The following STAB2 variants were observed in gnomAD, a reference collection of about 807,000 sequenced individuals.
The protein encoded by STAB2 is stabilin-2.
Under a neutral mutation model 338.1 loss-of-function variants are expected in STAB2, and 288 were observed. That is an observed-to-expected ratio of 0.85 (90% CI 0.77 to 0.94). The LOEUF is 0.94. Ranked by LOEUF, STAB2 falls within the 40% of genes least tolerant of loss-of-function variation. STAB2 has a pLI of 0.00. For missense variants in STAB2, 3,141 were observed against 3,210.1 expected (o/e 0.98, Z 0.52); for synonymous variants, 1,202 against 1,193.3 (o/e 1.01, Z -0.15).
At chr12:103,606,418 C>T (rs1957028078) in intron 3 of STAB2, among the ~76,000 whole-genome samples, 1 of 152,132 alleles carries the variant, frequency 6.6e-6, no homozygotes, top group Non-Finnish European at 1.5e-5. Context: ...TTACATTTAA[C>T]CACATAATGA....
chr12:103,744,243 A>G (rs1299201563), intron 56 of STAB2, among the ~76,000 whole-genome samples: 1 of 152,090 alleles, frequency 6.6e-6, no homozygotes, highest in Non-Finnish European at 1.5e-5. Context: ...TCCTGGGCTC[A>G]AGCAATCCTC....
At position 103,745,246 on chromosome 12, in the gene STAB2, G is replaced by A; in HGVS notation, c.6105G>A (p.Gly2035=). 1.2e-6 allele frequency: 2 copies of A among 1,613,914 alleles called. No individual in the cohort carries two copies. The highest frequency in any genetic ancestry group is 1.7e-6 in the Non-Finnish European group (2 of 1,179,968). Residue 2035 remains glycine, a synonymous_variant, in exon 57 of 69, where the codon GGG becomes GGA. Coordinates refer to ENST00000388887, the MANE Select transcript of STAB2 (RefSeq NM_017564.10). The part of the protein sequence containing the change: ...TGSGQCLCET[G]WTGPSCDTQA... ...CCGGGCAGTGCCTCTGTGAAACGGGGTGGACAGGCCCCTCGTGTGACACTC... is the reference window on the plus strand; with the variant it reads ...CCGGGCAGTGCCTCTGTGAAACGGGATGGACAGGCCCCTCGTGTGACACTC...
In STAB2 at chr12:103,660,218, A is replaced by G. The variant is rs527347350; in HGVS notation, c.1735-113A>G. 3.3e-5 allele frequency: 38 copies of G among 1,138,584 alleles called. No individual in the cohort carries two copies. The Middle Eastern group carries it at 5.9e-4, about 18-fold the overall frequency. 70.5% of individuals were successfully genotyped at this position (1,138,584 alleles called of 1,614,324 possible). A position where few individuals can be genotyped will look rare whatever the true frequency, so the allele number is the denominator to read the frequency against. On this transcript the variant is annotated intron_variant, in intron 15 of 68. Coordinates refer to ENST00000388887, the MANE Select transcript of STAB2 (RefSeq NM_017564.10). ...GGTTTCTCTCACCCTGGATTTCCCA[A>G]TAGATTATGGGTCATTTTTCTTGAT...
intron 25 of STAB2, among the ~76,000 whole-genome samples, chr12:103,682,366 C>T (rs1876998421): frequency 6.6e-6 from 1 of 152,154 alleles, no homozygotes; most frequent in Non-Finnish European, 1.5e-5. Flanking sequence ...TCTAGGATTG[C>T]CCTCAGCTGG....
chr12:103,705,789 G>A, intron 37 of STAB2, 62 bp downstream of exon 37: 1 of 1,513,686 alleles, frequency 6.6e-7, no homozygotes, highest in Non-Finnish European at 9.2e-7. Flanking sequence ...CCATCATATG[G>A]TATCCTTTTC....
Position 103,766,419 on chromosome 12 carries a change from GA to G in STAB2, c.*85del. On this transcript the variant is annotated 3_prime_UTR_variant, in exon 69 of 69. Coordinates refer to ENST00000388887, the MANE Select transcript of STAB2 (RefSeq NM_017564.10). ...ATTCTCAGCACCAGTTGCCTTTTAG[GA>G]ACGTAAAGTCCTTTAAGCACTCAGA... The G allele has an allele frequency of 6.7e-7, 1 of 1,491,626 alleles. No individual in the cohort carries two copies. The allele number at this position is 1,491,626 out of a possible 1,614,324, so 92.4% of individuals were successfully genotyped here.
intron 7 of STAB2, among the ~76,000 whole-genome samples, chr12:103,637,442 TTA>T (rs1214131574): frequency 5.3e-5 from 8 of 152,246 alleles, no homozygotes; most frequent in Non-Finnish European, 1.2e-4. Context: ...ATAGAGATTT[TTA>T]TGTTTCCATA....
rs576314886 is a variant in STAB2, at chr12:103,765,837, C to T, written c.7606-449C>T. ...GATTACAGGCGCGAGCCACCATGCCCGGCTGAGCGGGGTTTCTATTACACT... is the reference window on the plus strand; with the variant it reads ...GATTACAGGCGCGAGCCACCATGCCTGGCTGAGCGGGGTTTCTATTACACT... On this transcript the variant is annotated intron_variant, in intron 68 of 68. Transcript: ENST00000388887. 1.8e-4 allele frequency among the ~76,000 whole-genome samples: 27 copies of T among 152,310 alleles called. No homozygotes were observed. The South Asian group carries it at 4.6e-3, about 26-fold the overall frequency.
chr12:103,736,550 C>T (rs1384219985), intron 52 of STAB2, among the ~76,000 whole-genome samples: 3 of 152,118 alleles, frequency 2.0e-5, no homozygotes, highest in African/African-American at 7.2e-5. Flanking sequence ...CCAAAATAGA[C>T]AACTATCAGA....
rs867097667 is a variant in STAB2 at position 103,620,479 on chromosome 12, G to A, written c.343G>A (p.Gly115Arg). Residue 115 changes from glycine (G) to arginine (R), a missense_variant, in exon 4 of 69, where the codon GGA becomes AGA. Transcript: ENST00000388887. ...WGPDCIECPGGAGSPCNGRGS... is the reference protein window; with the variant it reads ...WGPDCIECPGRAGSPCNGRGS... ...GTTTGATTCCCTAGAGTGCCCAGGT[G>A]GAGCGGGGTCACCCTGCAATGGCAG... The A allele has an allele frequency of 6.3e-7, 1 of 1,582,684 alleles. No individual in the cohort carries two copies. The highest frequency in any genetic ancestry group is 8.6e-7 in the Non-Finnish European group (1 of 1,162,902).
Position 103,704,586 on chromosome 12 carries a change from T to C in STAB2, c.3872T>C (p.Leu1291Pro), listed in dbSNP as rs746604533. 18 of 1,613,772 alleles carry C rather than the reference T, an allele frequency of 1.1e-5. No individual in the cohort carries two copies. The highest frequency in any genetic ancestry group is 1.5e-5 in the Non-Finnish European group (18 of 1,179,950). ...AGATGTAGGACATGCTCCTCAGAGC[T>C]GACCTGCCCATTCGGAACTAAATCT... ...RGRCRTCSSE[L>P]TCPFGTKSLG... The change falls in exon 36 of 69, where the codon CTG (leucine) becomes CCG (proline). Residue 1291 changes from leucine (L) to proline (P), a missense_variant. Physicochemically the swap from Leu to Pro is moderately conservative, Grantham distance 98. Coordinates refer to ENST00000388887, the MANE Select transcript of STAB2 (RefSeq NM_017564.10).
At chr12:103,718,117 T>C (rs1272626873) in intron 44 of STAB2, among the ~76,000 whole-genome samples, 1 of 152,164 alleles carries the variant, frequency 6.6e-6, no homozygotes, top group Non-Finnish European at 1.5e-5. Context: ...CCAACTCTTA[T>C]GAAAAAGATC....
At chr12:103,593,326 T>C (rs994632459) in intron 2 of STAB2, among the ~76,000 whole-genome samples, 1 of 152,216 alleles carries the variant, frequency 6.6e-6, no homozygotes, top group African/African-American at 2.4e-5. Context: ...TTGCCAATAC[T>C]TGTTGCCTTT....
At chr12:103,685,655 A>AG (rs1171205112) in intron 27 of STAB2, among the ~76,000 whole-genome samples, 1 of 152,184 alleles carries the variant, frequency 6.6e-6, no homozygotes, top group Non-Finnish European at 1.5e-5. Flanking sequence ...CTCCAGAGTG[A>AG]GGAATCCAGC....
intron 61 of STAB2, 168 bp from the exon 62 acceptor site, chr12:103,755,134 A>G (rs945282344): frequency 3.9e-5 from 34 of 863,992 alleles, no homozygotes; most frequent in Middle Eastern, 2.3e-4. Context: ...GGCTCAATCA[A>G]TCAGTCAACA....
In STAB2 at chr12:103,685,005, C is replaced by T; in HGVS notation, c.2918C>T (p.Thr973Ile). 6.2e-7 allele frequency: 1 copy of T among 1,613,888 alleles called. No homozygotes were observed. Reference sequence around the variant, plus strand: ...TTTTCTCAGGCAAGCTGTCAATCTACTTCGTCTGGTGTCTGGAGCTGTGTT... The same window carrying T: ...TTTTCTCAGGCAAGCTGTCAATCTATTTCGTCTGGTGTCTGGAGCTGTGTT... ...KCHPLASCQSTSSGVWSCVCQ... is the reference protein window; with the variant it reads ...KCHPLASCQSISSGVWSCVCQ... The change falls in exon 27 of 69, where the codon ACT (threonine) becomes ATT (isoleucine). Residue 973 changes from threonine (T) to isoleucine (I), a missense_variant. Coordinates refer to ENST00000388887, the MANE Select transcript of STAB2 (RefSeq NM_017564.10).
chr12:103,737,596 CTCTCTTTCTCT>C, intron 52 of STAB2, 27 bp from the exon 53 acceptor site: 4 of 1,353,112 alleles, frequency 3.0e-6, no homozygotes, highest in Non-Finnish European at 4.0e-6. Flanking sequence ...CTCTCTCTCT[CTCTCTTTCTCT>C]TTTTTTTTTT....
intron 8 of STAB2, 95 bp from the exon 9 acceptor site, chr12:103,640,028 T>G: frequency 6.9e-7 from 1 of 1,449,568 alleles, no homozygotes; most frequent in Non-Finnish European, 9.3e-7. Context: ...TCTGAGTGAG[T>G]TTTTATGGAA....
At chr12:103,737,514 G>A (rs1018030938) in intron 52 of STAB2, 120 bp from the exon 53 acceptor site, 8 of 1,072,576 alleles carry the variant, frequency 7.5e-6, no homozygotes, top group African/African-American at 1.6e-5. Context: ...CCTGAGTCTT[G>A]CAGTTACTGG....
Sources: allele counts gnomAD v4.1 joint callset (sites outside exome capture counted in the v4.1 genomes callset), GRCh38; gene constraint gnomAD v4.1.1; transcripts MANE v1.5; gene names NCBI Gene and HGNC (gene_info 2026-07-23, HGNC 2026-07-21).